SPSB1: variants seen among roughly 807,000 people sequenced by gnomAD.
The protein encoded by SPSB1 is SPRY domain-containing SOCS box protein 1.
In SPSB1, 8 loss-of-function variants were observed where a neutral mutation model predicts 21.2. That is an observed-to-expected ratio of 0.38 (90% CI 0.22 to 0.68). SPSB1 has a LOEUF of 0.68. Ranked by LOEUF, SPSB1 falls within the 30% of genes least tolerant of loss-of-function variation. SPSB1 has a pLI of 0.53. For missense variants in SPSB1, 242 were observed against 377.8 expected (o/e 0.64, Z 2.98); for synonymous variants, 169 against 161.7 (o/e 1.05, Z -0.34).
At chr1:9,322,403 T>A (rs1282287773) in intron 1 of SPSB1, among the ~76,000 whole-genome samples, 1 of 152,154 alleles carries the variant, frequency 6.6e-6, no homozygotes, top group Non-Finnish European at 1.5e-5. Flanking sequence ...CGCTCTCATT[T>A]TTGCACGTTT....
chr1:9,302,822 C>T (rs528547933), intron 1 of SPSB1, among the ~76,000 whole-genome samples: 63 of 152,242 alleles, frequency 4.1e-4, no homozygotes, highest in South Asian at 2.5e-3. Flanking sequence ...TGGTTTCTCC[C>T]GTAGCCAGGA....
chr1:9,318,656 G>A (rs1639653000), intron 1 of SPSB1, among the ~76,000 whole-genome samples: 1 of 152,220 alleles, frequency 6.6e-6, no homozygotes, highest in African/African-American at 2.4e-5. Flanking sequence ...GCCAGACCGT[G>A]TGGCTGGTGC....
chr1:9,336,940 G>A lies in SPSB1; in HGVS notation c.-149-18803G>A, dbSNP rs564838675. Among the ~76,000 whole-genome samples, 142 of 152,226 alleles carry A rather than the reference G, an allele frequency of 9.3e-4. 2 individuals are homozygous for A. Among genetic ancestry groups the A allele is most frequent in the African/African-American group, 3.2e-3 (135 of 41,540 alleles). The stretch of plus-strand genomic sequence containing the variant: ...GCACCTCCCCTTCTGGTGCCTGCTG[G>A]TCCCCACTGAGGGGCCGCTTCACAG... On this transcript the variant is annotated intron_variant, in intron 1 of 2. Transcript: ENST00000328089.
intron 1 of SPSB1, among the ~76,000 whole-genome samples, chr1:9,319,835 G>A (rs1639684335): frequency 6.6e-6 from 1 of 152,078 alleles, no homozygotes; most frequent in Admixed American, 6.5e-5. Flanking sequence ...CGCTGTTTCT[G>A]TGGCCACTGG....
intron 1 of SPSB1, among the ~76,000 whole-genome samples, chr1:9,328,283 C>T (rs779655990): frequency 5.9e-5 from 9 of 152,218 alleles, no homozygotes; most frequent in Non-Finnish European, 8.8e-5. Flanking sequence ...AAACTGTCAT[C>T]CCTCATGATG....
At position 9,361,156 on chromosome 1, in the gene SPSB1, C is replaced by CCTTTTTTTTTTTTTTTTTTTTTTTTTT. The variant is rs1553128958; in HGVS notation, c.694+4571_694+4572insCTTTTTTTTTTTTTTTTTTTTTTTTTT. On this transcript the variant is annotated intron_variant, in intron 2 of 2. Coordinates refer to ENST00000328089, the MANE Select transcript of SPSB1 (RefSeq NM_025106.4). The stretch of plus-strand genomic sequence containing the variant: ...CAGGCATGGCTGGATCTGTCATTTT[C>CCTTTTTTTTTTTTTTTTTTTTTTTTTT]TTTTTTTTTTTTTTTTTTTTTTTTT... Among the ~76,000 whole-genome samples the CCTTTTTTTTTTTTTTTTTTTTTTTTTT allele has an allele frequency of 9.7e-5, 10 of 102,576 alleles. 2 individuals carry two copies. Among genetic ancestry groups the CCTTTTTTTTTTTTTTTTTTTTTTTTTT allele is most frequent in the South Asian group, 3.4e-4 (1 of 2,980 alleles). The allele number at this position is 102,576 out of a possible 152,430, so 67.3% of individuals were successfully genotyped here.
At chr1:9,320,681 C>G (rs1639707086) in intron 1 of SPSB1, among the ~76,000 whole-genome samples, 1 of 152,202 alleles carries the variant, frequency 6.6e-6, no homozygotes, top group Non-Finnish European at 1.5e-5. Flanking sequence ...ATTGCCCTAC[C>G]CTGGTGACTT....
chr1:9,300,975 C>A lies in SPSB1; in HGVS notation c.-150+7904C>A, dbSNP rs573504025. Among the ~76,000 whole-genome samples, 3 of 152,362 alleles carry A rather than the reference C, an allele frequency of 2.0e-5. No homozygotes were observed. The South Asian group carries it at 6.2e-4, about 32-fold the overall frequency. On this transcript the variant is annotated intron_variant, in intron 1 of 2. Transcript: ENST00000328089. ...GGCACAACCCGAAAGTGGACAGCTG[C>A]AGCACTATAGCCCCTTGCTGGGACA...
At chr1:9,313,902 G>T (rs1018478201) in intron 1 of SPSB1, among the ~76,000 whole-genome samples, 5 of 152,196 alleles carry the variant, frequency 3.3e-5, no homozygotes, top group African/African-American at 1.2e-4. Context: ...CTGGCCAGGC[G>T]CTGTGGCTCA....
chr1:9,327,732 A>G (rs1639839666), intron 1 of SPSB1, among the ~76,000 whole-genome samples: 1 of 152,222 alleles, frequency 6.6e-6, no homozygotes, highest in Admixed American at 6.5e-5. Flanking sequence ...CCTGATGGTA[A>G]TGATTTAGGC....
intron 1 of SPSB1, among the ~76,000 whole-genome samples, chr1:9,301,334 T>A (rs1291339554): frequency 2.0e-5 from 3 of 151,926 alleles, no homozygotes; most frequent in African/African-American, 7.3e-5. Context: ...CCCCGCCATC[T>A]CTACAAAAAT....
chr1:9,299,314 C>A (rs1639277262), intron 1 of SPSB1, among the ~76,000 whole-genome samples: 1 of 152,226 alleles, frequency 6.6e-6, no homozygotes. Flanking sequence ...GTTTAGTTCA[C>A]AGTCATCTTG....
chr1:9,363,162 G>C lies in SPSB1; in HGVS notation c.695-4286G>C, dbSNP rs1053392014. Among the ~76,000 whole-genome samples the C allele has an allele frequency of 1.2e-4, 18 of 152,196 alleles. No individual in the cohort carries two copies. The highest frequency in any genetic ancestry group is 4.3e-4 in the African/African-American group (18 of 41,446). ...CTGTGGCCATGCATTCTTGGTCTCT[G>C]CCCAGCCTTTGGAAAGCAGTTAGAC... On this transcript the variant is annotated intron_variant, in intron 2 of 2. Transcript: ENST00000328089. The surrounding 1 kb of genome is among the most constrained non-coding windows in gnomAD (Gnocchi z 4.5).
intron 1 of SPSB1, among the ~76,000 whole-genome samples, chr1:9,320,742 G>A (rs769455899): frequency 6.6e-5 from 10 of 152,172 alleles, no homozygotes; most frequent in East Asian, 3.9e-4. Context: ...GGCTGGCCAC[G>A]ACCTTCCTTT....
At chr1:9,340,342 T>C (rs1640070813) in intron 1 of SPSB1, among the ~76,000 whole-genome samples, 1 of 152,188 alleles carries the variant, frequency 6.6e-6, no homozygotes, top group Admixed American at 6.5e-5. Context: ...GGTCTGACTT[T>C]CACACGGATT....
chr1:9,318,406 A>G (rs779795087), intron 1 of SPSB1, among the ~76,000 whole-genome samples: 1 of 152,222 alleles, frequency 6.6e-6, no homozygotes, highest in South Asian at 2.1e-4. Context: ...CAGACAGGGA[A>G]TGGGGACAGC....
rs549388193 is a variant in SPSB1, at chr1:9,348,717, C to T, written c.-149-7026C>T. ...TGGCCTTTTTCCTGGACCCAGACAACCTTAAATGGCTGTTCGAAGCTGGCC... is the reference window on the plus strand; with the variant it reads ...TGGCCTTTTTCCTGGACCCAGACAATCTTAAATGGCTGTTCGAAGCTGGCC... On this transcript the variant is annotated intron_variant, in intron 1 of 2. Transcript: ENST00000328089. This position sits in a 1 kb window ranked among gnomAD's most constrained non-coding sequence, Gnocchi z 4.8. Among the ~76,000 whole-genome samples the T allele has an allele frequency of 2.0e-5, 3 of 152,176 alleles. No homozygotes were observed. Among genetic ancestry groups the T allele is most frequent in the African/African-American group, 4.8e-5 (2 of 41,510 alleles).
rs776988563 is a variant in SPSB1 at position 9,348,092 on chromosome 1, T to C, written c.-149-7651T>C. 3.3e-5 allele frequency among the ~76,000 whole-genome samples: 5 copies of C among 151,844 alleles called. No individual in the cohort carries two copies. The highest frequency in any genetic ancestry group is 6.6e-5 in the Admixed American group (1 of 15,234). On this transcript the variant is annotated intron_variant, in intron 1 of 2. Transcript: ENST00000328089. The surrounding 1 kb of genome is among the most constrained non-coding windows in gnomAD (Gnocchi z 4.8). ...CCCGAGTAGCTGGGATTACAGGTGC[T>C]CACCACCACGCCCAGCTTATTTTTG...
intron 1 of SPSB1, among the ~76,000 whole-genome samples, chr1:9,327,100 G>T (rs1639827961): frequency 6.6e-6 from 1 of 152,138 alleles, no homozygotes; most frequent in African/African-American, 2.4e-5. Context: ...TCGTTTCGTG[G>T]GGAAGAGACT....
Sources: gnomAD v4.1 joint callset for allele counts (sites outside exome capture counted in the v4.1 genomes callset) on GRCh38, gnomAD v4.1.1 for gene constraint, Gnocchi (gnomAD v3.1) non-coding constraint, MANE v1.5 for transcripts, NCBI Gene and HGNC (gene_info 2026-07-23, HGNC 2026-07-21) for gene names.